MAGI2: variants seen among roughly 807,000 people sequenced by gnomAD.
MAGI2 encodes membrane associated guanylate kinase, WW and PDZ domain containing 2.
Under a neutral mutation model 133.3 loss-of-function variants are expected in MAGI2, and 35 were observed. That is an observed-to-expected ratio of 0.26 (90% CI 0.20 to 0.35). The LOEUF is 0.35. Among genes scored for constraint, MAGI2 ranks in the 10% least tolerant of loss-of-function variants. MAGI2 has a pLI of 1.00. For synonymous variants in MAGI2, 729 were observed against 710.6 expected, an observed-to-expected ratio of 1.03 and a Z score of -0.41; for missense variants, 1,636 against 1,863.4, an observed-to-expected ratio of 0.88 and a Z score of 2.25.
At chr7:79,068,687 T>A (rs1814632131) in intron 1 of MAGI2, among the ~76,000 whole-genome samples, 1 of 152,216 alleles carries the variant, frequency 6.6e-6, no homozygotes, top group Non-Finnish European at 1.5e-5. Context: ...TGGTAGGGTG[T>A]CGATTTTAGA....
At chr7:78,404,707 A>G (rs1583928617) in intron 6 of MAGI2, among the ~76,000 whole-genome samples, 1 of 152,210 alleles carries the variant, frequency 6.6e-6, no homozygotes, top group Admixed American at 6.5e-5. Flanking sequence ...ACCTGAAACC[A>G]TAAAAATCCT....
chr7:78,576,986 A>T (rs932418860), intron 3 of MAGI2, among the ~76,000 whole-genome samples: 4 of 152,182 alleles, frequency 2.6e-5, no homozygotes, highest in African/African-American at 9.7e-5. Flanking sequence ...AACTTTGTTA[A>T]AACAAAGTTG....
intron 2 of MAGI2, among the ~76,000 whole-genome samples, chr7:78,951,927 C>T (rs906241194): frequency 6.6e-6 from 1 of 152,152 alleles, no homozygotes; most frequent in East Asian, 1.9e-4. Context: ...TATTTCTTCT[C>T]TTCTAATATC....
At chr7:78,737,828 T>C (rs1188559543) in intron 2 of MAGI2, among the ~76,000 whole-genome samples, 2 of 152,134 alleles carry the variant, frequency 1.3e-5, no homozygotes, top group African/African-American at 4.8e-5. Context: ...TTAACAGATA[T>C]GACCCACATT....
At chr7:78,392,070 A>G (rs774048147) in intron 6 of MAGI2, among the ~76,000 whole-genome samples, 7 of 152,204 alleles carry the variant, frequency 4.6e-5, no homozygotes, top group Non-Finnish European at 7.3e-5. Context: ...AACATGCTAA[A>G]TAAGACAGAA....
chr7:79,148,302 A>G (rs774826281), intron 1 of MAGI2, among the ~76,000 whole-genome samples: 6 of 152,132 alleles, frequency 3.9e-5, no homozygotes, highest in Non-Finnish European at 8.8e-5. Flanking sequence ...GACCTACAGG[A>G]ATGCCAATTC....
At chr7:79,441,516 T>G (rs1000528319) in intron 1 of MAGI2, among the ~76,000 whole-genome samples, 4 of 152,186 alleles carry the variant, frequency 2.6e-5, no homozygotes, top group Non-Finnish European at 4.4e-5. Flanking sequence ...TATATTAAAT[T>G]TATACAGTTT....
intron 21 of MAGI2, among the ~76,000 whole-genome samples, chr7:78,021,451 G>T (rs1384499144): frequency 6.6e-6 from 1 of 152,192 alleles, no homozygotes; most frequent in Non-Finnish European, 1.5e-5. Context: ...GTCAGAGGCT[G>T]TCAGTGATAC....
At chr7:78,619,265 GA>G (rs1340748869) in intron 3 of MAGI2, among the ~76,000 whole-genome samples, 1 of 151,742 alleles carries the variant, frequency 6.6e-6, no homozygotes, top group Admixed American at 6.6e-5. Flanking sequence ...ATGAGTGTAA[GA>G]AAAATGAATT....
Position 79,313,105 on chromosome 7 carries a change from T to C in MAGI2, c.301+139915A>G, listed in dbSNP as rs186925557. On this transcript the variant is annotated intron_variant, in intron 1 of 21. Transcript: ENST00000354212. ...CTTTTCCCTCTCCCTACTTTAAAGA[T>C]TGTTTTAGGTAAAACTATATGGCTC... Among the ~76,000 whole-genome samples the C allele has an allele frequency of 1.7e-3, 263 of 151,908 alleles. 2 individuals carry two copies. Among genetic ancestry groups the C allele is most frequent in the African/African-American group, 6.1e-3 (251 of 41,328 alleles).
chr7:78,630,132 T>A (rs1430092790), intron 2 of MAGI2, among the ~76,000 whole-genome samples: 2 of 152,076 alleles, frequency 1.3e-5, no homozygotes. Flanking sequence ...ATACACTGAT[T>A]TTAGCTGATT....
chr7:78,185,305 T>G (rs769521175), intron 13 of MAGI2, among the ~76,000 whole-genome samples: 4 of 152,200 alleles, frequency 2.6e-5, no homozygotes, highest in Admixed American at 6.5e-5. Flanking sequence ...AATAGCCACA[T>G]GTAGCTAGTG....
intron 3 of MAGI2, among the ~76,000 whole-genome samples, chr7:78,610,241 A>G (rs565958737): frequency 5.9e-5 from 9 of 152,154 alleles, no homozygotes; most frequent in Non-Finnish European, 1.3e-4. Context: ...AGGCCATTCT[A>G]CTGTTCTATC....
In MAGI2 at chr7:79,441,821, A is replaced by C. The variant is rs184916650; in HGVS notation, c.301+11199T>G. 1.2e-4 allele frequency among the ~76,000 whole-genome samples: 18 copies of C among 152,278 alleles called. No individual in the cohort carries two copies. In the East Asian group the frequency reaches 3.5e-3, roughly 29 times the overall value. ...GCTAAACACTTATAAATTAGGCATA[A>C]TTTAACTTATTTTTAATAATTATTT... is the stretch of plus-strand genomic sequence containing the variant. On this transcript the variant is annotated intron_variant, in intron 1 of 21. Transcript: ENST00000354212.
At chr7:78,580,981 A>G (rs995087751) in intron 3 of MAGI2, among the ~76,000 whole-genome samples, 35 of 152,216 alleles carry the variant, frequency 2.3e-4, no homozygotes, top group African/African-American at 8.2e-4. Context: ...TTAATGCCAT[A>G]TAAATAATTT....
At chr7:78,634,927 C>T (rs968589647) in intron 2 of MAGI2, among the ~76,000 whole-genome samples, 1 of 151,962 alleles carries the variant, frequency 6.6e-6, no homozygotes, top group African/African-American at 2.4e-5. Flanking sequence ...ATATTTTATT[C>T]TTATTATTTA....
chr7:78,361,452 A>G (rs936111961), intron 7 of MAGI2, among the ~76,000 whole-genome samples: 19 of 141,928 alleles, frequency 1.3e-4, no homozygotes, highest in African/African-American at 4.8e-4. Context: ...AAATGTGTTT[A>G]TGTTGCAGTT....
chr7:78,655,697 T>C (rs1019638784), intron 2 of MAGI2, among the ~76,000 whole-genome samples: 2 of 151,464 alleles, frequency 1.3e-5, no homozygotes, highest in Admixed American at 1.3e-4. Context: ...AGAAAAGAGG[T>C]TTGGCCGGGC....
intron 4 of MAGI2, among the ~76,000 whole-genome samples, chr7:78,521,063 A>C (rs1796454894): frequency 6.6e-6 from 1 of 152,188 alleles, no homozygotes; most frequent in Non-Finnish European, 1.5e-5. Context: ...CAGAGAGCTC[A>C]AAACTTTACA....
Sources: allele counts gnomAD v4.1 joint callset (sites outside exome capture counted in the v4.1 genomes callset), GRCh38; gene constraint gnomAD v4.1.1; transcripts MANE v1.5; gene names NCBI Gene and HGNC (gene_info 2026-07-23, HGNC 2026-07-21).